The following GRM1 variants were observed in gnomAD, a reference collection of about 807,000 sequenced individuals.
The protein encoded by GRM1 is glutamate metabotropic receptor 1, also known as metabotropic glutamate receptor 1.
A neutral mutation model predicts 90.9 loss-of-function variants in GRM1; 33 were observed. That is an observed-to-expected ratio of 0.36 (90% CI 0.28 to 0.49). The LOEUF is 0.49. Among genes scored for constraint, GRM1 ranks in the 20% least tolerant of loss-of-function variants. The pLI is 0.99. For synonymous variants in GRM1, 700 were observed against 613.2 expected (o/e 1.14, Z -2.09); for missense variants, 1,190 against 1,534.3 (o/e 0.78, Z 3.75).
At chr6:146,338,330 G>T (rs1784849809) in intron 3 of GRM1, among the ~76,000 whole-genome samples, 1 of 152,214 alleles carries the variant, frequency 6.6e-6, no homozygotes, top group African/African-American at 2.4e-5. Context: ...CAGGGTTGAA[G>T]TTACTTGCAT....
At chr6:146,249,918 T>C (rs1781211652) in intron 2 of GRM1, among the ~76,000 whole-genome samples, 1 of 152,140 alleles carries the variant, frequency 6.6e-6, no homozygotes, top group Non-Finnish European at 1.5e-5. Context: ...CTTGCATTAG[T>C]GTGTCCTGCT....
chr6:146,307,008 A>G (rs1324154508), intron 3 of GRM1, among the ~76,000 whole-genome samples: 1 of 152,240 alleles, frequency 6.6e-6, no homozygotes, highest in African/African-American at 2.4e-5. Flanking sequence ...AATTCAGGAT[A>G]CTACTTATGC....
In GRM1 at chr6:146,121,686, A is replaced by G. The variant is rs574417923; in HGVS notation, c.701-37662A>G. ...ACATCTTTATTTCTGCCTTCATTTCATTATGTACCCAGTAGTCATTCAGGA... is the reference window on the plus strand; with the variant it reads ...ACATCTTTATTTCTGCCTTCATTTCGTTATGTACCCAGTAGTCATTCAGGA... On this transcript the variant is annotated intron_variant, in intron 1 of 7. Coordinates refer to ENST00000282753, the MANE Select transcript of GRM1 (RefSeq NM_001278064.2). Among the ~76,000 whole-genome samples the G allele has an allele frequency of 8.6e-3, 1,306 of 152,140 alleles. 17 individuals carry two copies. The highest frequency in any genetic ancestry group is 0.03 in the African/African-American group (1,233 of 41,482).
chr6:146,316,985 G>T (rs190237967), intron 3 of GRM1, among the ~76,000 whole-genome samples: 1 of 152,100 alleles, frequency 6.6e-6, no homozygotes, highest in East Asian at 1.9e-4. Context: ...CACAACCTGC[G>T]TTAATAGCCA....
rs6905255 is a variant in GRM1 at position 146,257,149 on chromosome 6, G to A, written c.951-47462G>A. On this transcript the variant is annotated intron_variant, in intron 2 of 7. Coordinates refer to ENST00000282753, the MANE Select transcript of GRM1 (RefSeq NM_001278064.2). ...ATCCCCATTCTGATATAATTAATTC[G>A]TTCATTAGCATGTATTTTTCAATTC... Among the ~76,000 whole-genome samples, 1,317 of 151,702 alleles carry A rather than the reference G, an allele frequency of 8.7e-3. 20 individuals carry two copies. The highest frequency in any genetic ancestry group is 0.03 in the African/African-American group (1,244 of 41,298).
At chr6:146,051,765 G>A (rs954934595) in intron 1 of GRM1, among the ~76,000 whole-genome samples, 1 of 152,038 alleles carries the variant, frequency 6.6e-6, no homozygotes, top group African/African-American at 2.4e-5. Flanking sequence ...CATATGTATA[G>A]CATTTCCTGA....
At chr6:146,070,619 A>G (rs1313527090) in intron 1 of GRM1, among the ~76,000 whole-genome samples, 1 of 152,176 alleles carries the variant, frequency 6.6e-6, no homozygotes, top group African/African-American at 2.4e-5. Context: ...TATACCAGGT[A>G]GATTAGTAGA....
At chr6:146,298,315 G>A (rs192367995) in intron 2 of GRM1, among the ~76,000 whole-genome samples, 143 of 152,126 alleles carry the variant, frequency 9.4e-4, no homozygotes, top group African/African-American at 3.4e-3. Context: ...CTTGCTTCCA[G>A]TCACCTGTCT....
intron 2 of GRM1, among the ~76,000 whole-genome samples, chr6:146,269,446 A>G (rs541274689): frequency 6.6e-6 from 1 of 152,246 alleles, no homozygotes; most frequent in East Asian, 1.9e-4. Flanking sequence ...TGGAGTTCAC[A>G]TACACACTTC....
chr6:146,097,190 G>T (rs553230715), intron 1 of GRM1, among the ~76,000 whole-genome samples: 2 of 152,136 alleles, frequency 1.3e-5, no homozygotes, highest in South Asian at 2.1e-4. Flanking sequence ...TTAATGGGGG[G>T]TTTCCAAAGT....
In GRM1 at chr6:146,084,290, GT is replaced by G. The variant is rs1776467548; in HGVS notation, c.700+54076del. Among the ~76,000 whole-genome samples, 3 of 151,716 alleles carry G rather than the reference GT, an allele frequency of 2.0e-5. 1 individual carries two copies. The South Asian group carries it at 6.3e-4, about 32-fold the overall frequency. On this transcript the variant is annotated intron_variant, in intron 1 of 7. Coordinates refer to ENST00000282753, the MANE Select transcript of GRM1 (RefSeq NM_001278064.2). Reference sequence around the variant, plus strand: ...TTGTCTTCTGCTGGCTTTTGGATTTGTTTGCTCTTGCCTCTCTAGCTCTTTT... The same window carrying G: ...TTGTCTTCTGCTGGCTTTTGGATTTGTTGCTCTTGCCTCTCTAGCTCTTTT...
intron 2 of GRM1, among the ~76,000 whole-genome samples, chr6:146,304,054 TA>T (rs996412275): frequency 3.3e-5 from 5 of 152,148 alleles, no homozygotes; most frequent in African/African-American, 9.7e-5. Flanking sequence ...GAAGTAACAT[TA>T]AAAAAATGAA....
At chr6:146,383,103 C>T (rs553234851) in intron 5 of GRM1, among the ~76,000 whole-genome samples, 1 of 152,244 alleles carries the variant, frequency 6.6e-6, no homozygotes, top group African/African-American at 2.4e-5. Context: ...GGCAAAAGTA[C>T]ACATGCTTGA....
At chr6:146,223,191 T>C (rs1371360673) in intron 2 of GRM1, among the ~76,000 whole-genome samples, 2 of 152,048 alleles carry the variant, frequency 1.3e-5, no homozygotes, top group East Asian at 3.9e-4. Context: ...CGCTATTCAG[T>C]TTTTCAAAAA....
rs1562413730 is a variant in GRM1, at chr6:146,029,772, G to A, written c.255G>A (p.Thr85=). The stretch of plus-strand genomic sequence containing the variant: ...AGAGGGTGGAGGCCATGTTCCACAC[G>A]TTGGATAAGATCAACGCGGACCCGG... ...GIQRVEAMFH[T]LDKINADPVL... Residue 85 remains threonine (T), a synonymous_variant, in exon 1 of 8, where the codon ACG becomes ACA. Transcript: ENST00000282753. The A allele has an allele frequency of 1.9e-6, 3 of 1,614,080 alleles. No individual in the cohort carries two copies. Among genetic ancestry groups the A allele is most frequent in the Non-Finnish European group, 2.5e-6 (3 of 1,179,988 alleles).
At chr6:146,039,336 G>C (rs1445422994) in intron 1 of GRM1, among the ~76,000 whole-genome samples, 1 of 151,986 alleles carries the variant, frequency 6.6e-6, no homozygotes, top group African/African-American at 2.4e-5. Flanking sequence ...TTCAGTAAAA[G>C]CACTGACATA....
intron 1 of GRM1, among the ~76,000 whole-genome samples, chr6:146,150,931 T>TGC (rs940930561): frequency 3.9e-3 from 98 of 25,310 alleles, no homozygotes; most frequent in South Asian, 0.016. Context: ...CACACACGCG[T>TGC]GTGCGCGCAC....
chr6:146,247,175 T>A (rs1489919499), intron 2 of GRM1, among the ~76,000 whole-genome samples: 1 of 152,076 alleles, frequency 6.6e-6, no homozygotes, highest in East Asian at 1.9e-4. Flanking sequence ...ATGAGACAGG[T>A]AGGGTCAATC....
chr6:146,158,490 G>T (rs758759937), intron 1 of GRM1, among the ~76,000 whole-genome samples: 15 of 152,134 alleles, frequency 9.9e-5, no homozygotes, highest in Non-Finnish European at 1.8e-4. Flanking sequence ...CTGGACATGT[G>T]TGGGTTACAG....
Sources: gnomAD v4.1 joint callset for allele counts (sites outside exome capture counted in the v4.1 genomes callset) on GRCh38, gnomAD v4.1.1 for gene constraint, MANE v1.5 for transcripts, NCBI Gene and HGNC (gene_info 2026-07-23, HGNC 2026-07-21) for gene names.